Variants in PCMT1 observed in about 807,000 individuals in gnomAD.
PCMT1 encodes protein-L-isoaspartate (D-aspartate) O-methyltransferase.
Under a neutral mutation model 29.2 loss-of-function variants are expected in PCMT1, and 9 were observed. The ratio of observed to expected loss-of-function variants is 0.31; its 90% CI spans 0.19 to 0.54. The LOEUF is 0.54. PCMT1 is among the 20% of genes least tolerant of loss of function. The probability of loss-of-function intolerance (pLI) is 0.95; values close to 1 mark genes in which losing one functional copy is unlikely to be tolerated. For missense variants in PCMT1, 184 were observed against 282.2 expected (o/e 0.65, Z 2.49); for synonymous variants, 98 against 97.5 (o/e 1.00, Z -0.03).
chr6:149,769,308 C>CTGTTTTTTTTTTTTTTT (rs1787214241), intron 1 of PCMT1, among the ~76,000 whole-genome samples: 1 of 71,562 alleles, frequency 1.4e-5, no homozygotes, highest in African/African-American at 8.6e-5. Context: ...GTGCAGGATT[C>CTGTTTTTTTTTTTTTTT]TTTTTTTTTT....
At chr6:149,800,225 A>C (rs1337432417) in intron 6 of PCMT1, among the ~76,000 whole-genome samples, 1 of 152,066 alleles carries the variant, frequency 6.6e-6, no homozygotes, top group African/African-American at 2.4e-5. Flanking sequence ...CAGTACTTTA[A>C]GAGGCCGAGG....
In PCMT1 at chr6:149,782,830, G is replaced by T. The variant is rs536237387; in HGVS notation, c.193-7124G>T. Among the ~76,000 whole-genome samples, 9 of 152,184 alleles carry T rather than the reference G, an allele frequency of 5.9e-5. No individual in the cohort carries two copies. The East Asian group carries it at 1.7e-3, about 29-fold the overall frequency. On this transcript the variant is annotated intron_variant, in intron 3 of 7. Coordinates refer to ENST00000464889, the MANE Select transcript of PCMT1 (RefSeq NM_001360452.2). ...TTCAGAAAAACAGAAGAATGTTAATGAATAAATGTGGAAGGAATAATGAAA... is the reference window on the plus strand; with the variant it reads ...TTCAGAAAAACAGAAGAATGTTAATTAATAAATGTGGAAGGAATAATGAAA...
intron 1 of PCMT1, among the ~76,000 whole-genome samples, chr6:149,760,386 A>G (rs975118219): frequency 8.5e-5 from 13 of 152,214 alleles, no homozygotes; most frequent in African/African-American, 3.1e-4. Flanking sequence ...ATAGCAGTCC[A>G]AACAGTTCAA....
At chr6:149,784,347 T>A (rs1787935866) in intron 3 of PCMT1, among the ~76,000 whole-genome samples, 1 of 152,298 alleles carries the variant, frequency 6.6e-6, no homozygotes, top group Non-Finnish European at 1.5e-5. Context: ...AAACACAACT[T>A]CTTATTATGG....
intron 1 of PCMT1, among the ~76,000 whole-genome samples, chr6:149,757,268 A>G (rs1247592673): frequency 6.6e-6 from 1 of 152,224 alleles, no homozygotes; most frequent in African/African-American, 2.4e-5. Context: ...CAGTGCAGAT[A>G]GAGAATAGAT....
chr6:149,792,847 C>T (rs1788426659), intron 4 of PCMT1, among the ~76,000 whole-genome samples: 1 of 152,024 alleles, frequency 6.6e-6, no homozygotes, highest in Admixed American at 6.6e-5. Context: ...GCAGTAGAAA[C>T]AAGTGTAGAA....
intron 3 of PCMT1, among the ~76,000 whole-genome samples, chr6:149,785,817 A>G (rs1459922213): frequency 5.3e-5 from 8 of 152,194 alleles, no homozygotes; most frequent in Non-Finnish European, 8.8e-5. Flanking sequence ...CTTTCTACAC[A>G]GACACGGCAA....
chr6:149,797,314 A>G (rs1163627969), intron 6 of PCMT1: 2 of 152,182 alleles, frequency 1.3e-5, no homozygotes, highest in East Asian at 1.9e-4. Context: ...AAATATGCAT[A>G]TGAGGGAGAG....
chr6:149,795,286 T>C, intron 5 of PCMT1: 1 of 404,014 alleles, frequency 2.5e-6, no homozygotes, highest in East Asian at 7.4e-5. Context: ...AAGCAGTCCT[T>C]GTTCTCCAAA....
chr6:149,783,142 A>T (rs112093663), intron 3 of PCMT1, among the ~76,000 whole-genome samples: 82 of 152,040 alleles, frequency 5.4e-4, no homozygotes, highest in African/African-American at 1.0e-3. Context: ...TATTATTATT[A>T]TTTTTTTTCA....
At chr6:149,799,408 G>A (rs1039453779) in intron 6 of PCMT1, among the ~76,000 whole-genome samples, 1 of 152,154 alleles carries the variant, frequency 6.6e-6, no homozygotes, top group East Asian at 1.9e-4. Flanking sequence ...ATTAGAATTC[G>A]TAAGTCAGAG....
rs1554251094 is a variant in PCMT1, at chr6:149,758,208, C to CTTTCTTTTTTTTTTTTTTTTTTTTTTTT, written c.55+8255_55+8256insCTTTTTTTTTTTTTTTTTTTTTTTTTTT. ...CAATTTTTTTTTTCTTTCTTTCTTT[C>CTTTCTTTTTTTTTTTTTTTTTTTTTTTT]TTTTTTTTTTTTTTTTTTCTGAGAC... On this transcript the variant is annotated intron_variant, in intron 1 of 7. Coordinates refer to ENST00000464889, the MANE Select transcript of PCMT1 (RefSeq NM_001360452.2). Among the ~76,000 whole-genome samples, 50 of 73,896 alleles carry CTTTCTTTTTTTTTTTTTTTTTTTTTTTT rather than the reference C, an allele frequency of 6.8e-4. 6 individuals carry two copies. The highest frequency in any genetic ancestry group is 8.9e-4 in the Non-Finnish European group (36 of 40,398). 48.5% of individuals were successfully genotyped at this position (73,896 alleles called of 152,430 possible). A position where few individuals can be genotyped will look rare whatever the true frequency, so the allele number is the denominator to read the frequency against.
intron 7 of PCMT1, among the ~76,000 whole-genome samples, chr6:149,809,387 T>C (rs1350953103): frequency 6.6e-6 from 1 of 151,978 alleles, no homozygotes; most frequent in Admixed American, 6.6e-5. Flanking sequence ...TGACCAAATA[T>C]TTTAATGCCT....
chr6:149,787,841 G>A (rs888907445), intron 3 of PCMT1, among the ~76,000 whole-genome samples: 4 of 151,768 alleles, frequency 2.6e-5, no homozygotes, highest in African/African-American at 9.7e-5. Context: ...GTGTGTGTGT[G>A]TGTATGTGTG....
intron 3 of PCMT1, among the ~76,000 whole-genome samples, chr6:149,782,297 T>C (rs576085264): frequency 2.6e-5 from 4 of 152,116 alleles, no homozygotes; most frequent in African/African-American, 4.8e-5. Context: ...TGCATAAATC[T>C]TAGCAGTATT....
chr6:149,787,084 C>T (rs1277141826), intron 3 of PCMT1, among the ~76,000 whole-genome samples: 2 of 139,460 alleles, frequency 1.4e-5, no homozygotes, highest in African/African-American at 2.9e-5. Context: ...GAGACCAGCC[C>T]GGCCAACACA....
intron 3 of PCMT1, among the ~76,000 whole-genome samples, chr6:149,786,647 C>T (rs1214229979): frequency 5.3e-5 from 8 of 149,550 alleles, no homozygotes; most frequent in Admixed American, 2.7e-4. Flanking sequence ...GGGTCGCGGC[C>T]GGGCAGAGAC....
At chr6:149,751,498 T>TTATA (rs1308926025) in intron 1 of PCMT1, among the ~76,000 whole-genome samples, 9 of 144,640 alleles carry the variant, frequency 6.2e-5, no homozygotes, top group South Asian at 2.2e-4. Flanking sequence ...TTTTTTTTTT[T>TTATA]TGAGACAGAG....
At chr6:149,754,113 A>C (rs1786429825) in intron 1 of PCMT1, among the ~76,000 whole-genome samples, 1 of 152,230 alleles carries the variant, frequency 6.6e-6, no homozygotes, top group African/African-American at 2.4e-5. Flanking sequence ...TGCCCTATAG[A>C]GTGCTTGGTG....
Sources: gnomAD v4.1 joint callset for allele counts (sites outside exome capture counted in the v4.1 genomes callset) on GRCh38, gnomAD v4.1.1 for gene constraint, MANE v1.5 for transcripts, NCBI Gene and HGNC (gene_info 2026-07-23, HGNC 2026-07-21) for gene names.